Variants in METTL15 observed in about 807,000 individuals in gnomAD.
METTL15 encodes the protein methyltransferase 15, mitochondrial 12S rRNA N4-cytidine.
A neutral mutation model predicts 38.3 loss-of-function variants in METTL15; 34 were observed. The ratio of observed to expected loss-of-function variants is 0.89; its 90% CI spans 0.68 to 1.18. METTL15 has a LOEUF of 1.18. Among genes scored for constraint, METTL15 ranks in the 50% most tolerant of loss-of-function variants. The pLI, the probability that METTL15 is intolerant of heterozygous loss-of-function variation, is 0.00. For missense variants in METTL15, 438 were observed against 498.4 expected (o/e 0.88, Z 1.15); for synonymous variants, 162 against 170.9 (o/e 0.95, Z 0.41).
Position 28,279,513 on chromosome 11 carries a change from C to A in METTL15, c.408-10693C>A, listed in dbSNP as rs547780507. 7.9e-5 allele frequency among the ~76,000 whole-genome samples: 12 copies of A among 152,166 alleles called. 1 individual carries two copies. In the South Asian group the frequency reaches 2.5e-3, roughly 32 times the overall value. On this transcript the variant is annotated intron_variant, in intron 4 of 6. Transcript: ENST00000407364. ...CCTTTATTGCCTTTTAAAAATTAGT[C>A]CATTTCTTCATCTGCTCTCTTATTT...
At chr11:28,170,094 G>A (rs904035983) in intron 3 of METTL15, among the ~76,000 whole-genome samples, 1 of 152,100 alleles carries the variant, frequency 6.6e-6, no homozygotes, top group Non-Finnish European at 1.5e-5. Context: ...TTTAGTGACT[G>A]TAGGTCTTTT....
At chr11:28,424,951 A>G (rs964262346) in intron 6 of METTL15, among the ~76,000 whole-genome samples, 12 of 152,156 alleles carry the variant, frequency 7.9e-5, no homozygotes, top group Non-Finnish European at 2.9e-5. Flanking sequence ...AGACTTGTTG[A>G]AACTATAGCA....
intron 6 of METTL15, among the ~76,000 whole-genome samples, chr11:28,492,668 C>T (rs561299308): frequency 1.3e-5 from 2 of 152,216 alleles, no homozygotes; most frequent in African/African-American, 4.8e-5. Context: ...TTTTGGAAAT[C>T]AATTCCAACT....
At chr11:28,531,679 C>A (rs1851843961), downstream of METTL15, among the ~76,000 whole-genome samples, 1 of 151,890 alleles carries the variant, frequency 6.6e-6, no homozygotes. Context: ...ATTGTGAACA[C>A]TTGAAAAATG....
chr11:28,161,283 A>G (rs1850454823), intron 3 of METTL15, among the ~76,000 whole-genome samples: 1 of 151,636 alleles, frequency 6.6e-6, no homozygotes, highest in Admixed American at 6.6e-5. Context: ...CCACCACCCC[A>G]GCTAATTTTT....
Position 28,130,251 on chromosome 11 carries a change from C to T in METTL15, c.270+16647C>T, listed in dbSNP as rs1170133799. Among the ~76,000 whole-genome samples the T allele has an allele frequency of 5.9e-5, 9 of 152,204 alleles. No individual in the cohort carries two copies. The South Asian group carries it at 6.2e-4, about 11-fold the overall frequency. On this transcript the variant is annotated intron_variant, in intron 3 of 6. Transcript: ENST00000407364. ...ACACGAGCCCTGGAGGTCAAGGCTG[C>T]AGTAAGCCGTGATCACACCACTGCA...
chr11:28,436,998 G>A (rs1358768633), intron 6 of METTL15, among the ~76,000 whole-genome samples: 1 of 152,174 alleles, frequency 6.6e-6, no homozygotes, highest in Non-Finnish European at 1.5e-5. Context: ...GACTTGCAGA[G>A]TCTTCCAGCC....
At chr11:28,292,115 A>G (rs1192947767) in intron 5 of METTL15, among the ~76,000 whole-genome samples, 2 of 151,754 alleles carry the variant, frequency 1.3e-5, no homozygotes, top group Non-Finnish European at 2.9e-5. Context: ...CATGCAGGTT[A>G]GTTACATATG....
downstream of METTL15, among the ~76,000 whole-genome samples, chr11:28,528,964 G>A (rs1851829203): frequency 6.6e-6 from 1 of 152,170 alleles, no homozygotes; most frequent in Admixed American, 6.5e-5. Flanking sequence ...ACATGTAATA[G>A]TAATATAACT....
At position 28,340,657 on chromosome 11, in the gene METTL15, A is replaced by G. The variant is rs187063371; in HGVS notation, c.*190-11433A>G. On this transcript the variant is annotated intron_variant and NMD_transcript_variant, in intron 3 of 7. Coordinates refer to the METTL15 transcript ENST00000532947. The stretch of plus-strand genomic sequence containing the variant: ...ACGCCAGCTAGAATGGTGATCATTA[A>G]AAAGTCAGGAAACAACAGATCTGGA... Among the ~76,000 whole-genome samples, 477 of 152,330 alleles carry G rather than the reference A, an allele frequency of 3.1e-3. 3 individuals carry two copies. The highest frequency in any genetic ancestry group is 5.5e-3 in the Non-Finnish European group (376 of 68,026).
At chr11:28,160,604 C>G (rs1158923342) in intron 3 of METTL15, among the ~76,000 whole-genome samples, 2 of 152,042 alleles carry the variant, frequency 1.3e-5, no homozygotes, top group East Asian at 3.9e-4. Context: ...CCTGATTACT[C>G]TTTAAAAACA....
At chr11:28,133,419 T>C (rs1322219531) in intron 3 of METTL15, among the ~76,000 whole-genome samples, 1 of 152,204 alleles carries the variant, frequency 6.6e-6, no homozygotes, top group African/African-American at 2.4e-5. Context: ...GAAAAAAATA[T>C]ATTTCTCTTA....
chr11:28,207,561 T>C (rs1852407767), intron 3 of METTL15, among the ~76,000 whole-genome samples: 1 of 152,152 alleles, frequency 6.6e-6, no homozygotes, highest in Non-Finnish European at 1.5e-5. Flanking sequence ...GATATTGGTC[T>C]AAAATTCTCT....
At chr11:28,448,080 C>G (rs1263292122) in intron 6 of METTL15, among the ~76,000 whole-genome samples, 1 of 151,790 alleles carries the variant, frequency 6.6e-6, no homozygotes, top group Non-Finnish European at 1.5e-5. Flanking sequence ...ATTGCAGCAG[C>G]CTCATAACTA....
At chr11:28,170,385 A>G (rs917947587) in intron 3 of METTL15, among the ~76,000 whole-genome samples, 1 of 152,120 alleles carries the variant, frequency 6.6e-6, no homozygotes, top group African/African-American at 2.4e-5. Flanking sequence ...AGGGATCTCA[A>G]TCCAGACCCC....
At chr11:28,320,460 T>A (rs1183747510) in intron 6 of METTL15, among the ~76,000 whole-genome samples, 1 of 151,914 alleles carries the variant, frequency 6.6e-6, no homozygotes, top group Non-Finnish European at 1.5e-5. Context: ...TTCAGGGGGC[T>A]AAGATGGGAG....
chr11:28,192,431 C>CT (rs545100111), intron 3 of METTL15, among the ~76,000 whole-genome samples: 286 of 136,852 alleles, frequency 2.1e-3, no homozygotes, highest in South Asian at 5.1e-3. Flanking sequence ...TTTGATTTGC[C>CT]TTTTTTTTTT....
intron 5 of METTL15, among the ~76,000 whole-genome samples, chr11:28,421,439 A>G (rs1210199350): frequency 6.6e-6 from 1 of 152,112 alleles, no homozygotes; most frequent in Non-Finnish European, 1.5e-5. Flanking sequence ...TCTCTGATGC[A>G]TATTAATACA....
At chr11:28,248,573 A>T (rs1854608987) in intron 4 of METTL15, among the ~76,000 whole-genome samples, 1 of 152,060 alleles carries the variant, frequency 6.6e-6, no homozygotes, top group African/African-American at 2.4e-5. Context: ...TAAAAATATA[A>T]CATCCATGCA....
Sources: gnomAD v4.1 joint callset for allele counts (sites outside exome capture counted in the v4.1 genomes callset) on GRCh38, gnomAD v4.1.1 for gene constraint, MANE v1.5 for transcripts, NCBI Gene and HGNC (gene_info 2026-07-23, HGNC 2026-07-21) for gene names.